Variants in CCDC7 observed in about 807,000 individuals in gnomAD.
CCDC7 encodes the protein coiled-coil domain-containing protein 7.
CCDC7 carries 183 observed loss-of-function variants against 196.9 expected under a neutral mutation model. The ratio of observed to expected loss-of-function variants is 0.93; its 90% CI spans 0.82 to 1.05. The LOEUF (loss-of-function observed/expected upper bound fraction) is 1.05, where lower values mean the gene tolerates loss of function less well. Among genes scored for constraint, CCDC7 ranks in the 50% least tolerant of loss-of-function variants. CCDC7 has a pLI of 0.00. For synonymous variants in CCDC7, 525 were observed against 484.6 expected (o/e 1.08, Z -1.10); for missense variants, 1,540 against 1,482.2 (o/e 1.04, Z -0.64).
intron 18 of CCDC7, among the ~76,000 whole-genome samples, chr10:32,604,874 G>A (rs1009312191): frequency 2.0e-5 from 3 of 152,076 alleles, no homozygotes; most frequent in African/African-American, 4.8e-5. Flanking sequence ...TGTAAAAAGT[G>A]ACAATTTGTC....
At chr10:32,796,511 T>A (rs893956288) in intron 29 of CCDC7, among the ~76,000 whole-genome samples, 1 of 152,174 alleles carries the variant, frequency 6.6e-6, no homozygotes, top group Admixed American at 6.5e-5. Context: ...CTTTTTTTGG[T>A]AAATTCTATC....
chr10:32,670,646 G>A (rs900383182), intron 21 of CCDC7, among the ~76,000 whole-genome samples: 4 of 149,854 alleles, frequency 2.7e-5, no homozygotes, highest in African/African-American at 7.4e-5. Flanking sequence ...GCGGTGTCTG[G>A]TTTTTTGTTC....
At chr10:32,562,567 T>G (rs1450583893) in intron 13 of CCDC7, among the ~76,000 whole-genome samples, 2 of 152,162 alleles carry the variant, frequency 1.3e-5, no homozygotes, top group African/African-American at 4.8e-5. Flanking sequence ...ATTATCTCAA[T>G]AGATGCAGGA....
chr10:32,773,871 C>G (rs2079552728), intron 28 of CCDC7, among the ~76,000 whole-genome samples: 1 of 152,078 alleles, frequency 6.6e-6, no homozygotes, highest in Admixed American at 6.5e-5. Flanking sequence ...CTGGGGAAGA[C>G]TTATAGTGAG....
intron 8 of CCDC7, among the ~76,000 whole-genome samples, chr10:32,490,468 G>A (rs1002053466): frequency 2.0e-5 from 3 of 152,040 alleles, no homozygotes; most frequent in Admixed American, 6.6e-5. Flanking sequence ...ATTTAAAATC[G>A]TCTCATATGC....
At chr10:32,588,245 A>G (rs377204950) in intron 18 of CCDC7, among the ~76,000 whole-genome samples, 60 of 152,248 alleles carry the variant, frequency 3.9e-4, no homozygotes, top group African/African-American at 1.4e-3. Context: ...ATTCAGTTAT[A>G]GCAATAGAAA....
At chr10:32,691,719 T>C (rs895874749) in intron 23 of CCDC7, among the ~76,000 whole-genome samples, 3 of 151,956 alleles carry the variant, frequency 2.0e-5, no homozygotes, top group Non-Finnish European at 4.4e-5. Context: ...AAACATGTTT[T>C]CCAGTAGCAG....
At chr10:32,528,910 C>CT (rs2049182583) in intron 11 of CCDC7, among the ~76,000 whole-genome samples, 1 of 151,722 alleles carries the variant, frequency 6.6e-6, no homozygotes, top group Non-Finnish European at 1.5e-5. Flanking sequence ...TTGGAAATAT[C>CT]TTTTTTGTAT....
At chr10:32,456,360 G>T (rs1169861364) in intron 3 of CCDC7, 26 bp downstream of exon 4, 1 of 1,444,894 alleles carries the variant, frequency 6.9e-7, no homozygotes, top group Non-Finnish European at 9.3e-7. Flanking sequence ...ATACTGTCAA[G>T]TATAAAATAT....
chr10:32,669,264 T>C (rs2073539980), intron 21 of CCDC7, among the ~76,000 whole-genome samples: 1 of 152,152 alleles, frequency 6.6e-6, no homozygotes, highest in East Asian at 1.9e-4. Context: ...CATGGTGAAT[T>C]CTTCTTTGAA....
chr10:32,802,182 T>C (rs1034928992), intron 29 of CCDC7, among the ~76,000 whole-genome samples: 2 of 152,180 alleles, frequency 1.3e-5, no homozygotes, highest in Non-Finnish European at 2.9e-5. Flanking sequence ...GGAGATAGAA[T>C]CCCTGACTTC....
intron 20 of CCDC7, among the ~76,000 whole-genome samples, chr10:32,655,133 A>T (rs2069550031): frequency 1.3e-5 from 2 of 152,192 alleles, no homozygotes; most frequent in African/African-American, 4.8e-5. Context: ...GCTTTTGGGG[A>T]TCCTCAAACT....
intron 9 of CCDC7, chr10:32,499,136 A>G (rs1348165030): frequency 6.7e-6 from 1 of 149,318 alleles, no homozygotes; most frequent in Non-Finnish European, 1.5e-5. Context: ...TAATGAACTC[A>G]GAAAAAATGA....
At chr10:32,846,579 A>G (rs1593394497) in intron 37 of CCDC7, 120 bp downstream of exon 38, 1 of 573,096 alleles carries the variant, frequency 1.7e-6, no homozygotes. Flanking sequence ...GGTAAAATTC[A>G]TCATGAATAT....
chr10:32,848,779 T>A (rs2093417097), intron 39 of CCDC7, 61 bp downstream of exon 40: 1 of 1,270,442 alleles, frequency 7.9e-7, no homozygotes, highest in East Asian at 2.4e-5. Context: ...AGTTTTAAAG[T>A]ATGCTTTTTC....
At chr10:32,509,487 C>A (rs1223643985) in intron 9 of CCDC7, among the ~76,000 whole-genome samples, 1 of 145,062 alleles carries the variant, frequency 6.9e-6, no homozygotes, top group Non-Finnish European at 1.5e-5. Flanking sequence ...TGACATTGGT[C>A]TGGGCAATGA....
chr10:32,449,921 A>G (rs2032566971), upstream of CCDC7, among the ~76,000 whole-genome samples: 1 of 152,212 alleles, frequency 6.6e-6, no homozygotes, highest in Non-Finnish European at 1.5e-5. Context: ...GGCTTTCATC[A>G]GACACCAACT....
At chr10:32,646,552 A>C (rs1433335467) in intron 20 of CCDC7, among the ~76,000 whole-genome samples, 1 of 152,168 alleles carries the variant, frequency 6.6e-6, no homozygotes, top group East Asian at 1.9e-4. Context: ...TCTAGAATGC[A>C]GTTTAAATTA....
chr10:32,670,348 T>G (rs1232274609), intron 21 of CCDC7, among the ~76,000 whole-genome samples: 5 of 152,054 alleles, frequency 3.3e-5, no homozygotes, highest in African/African-American at 1.2e-4. Flanking sequence ...TCTAAGTTGC[T>G]TCCTGTTGAT....
Sources: gnomAD v4.1 joint callset for allele counts (sites outside exome capture counted in the v4.1 genomes callset) on GRCh38, gnomAD v4.1.1 for gene constraint, MANE v1.5 for transcripts, NCBI Gene and HGNC (gene_info 2026-07-23, HGNC 2026-07-21) for gene names.